Variants in CPLANE1 observed in about 807,000 individuals in gnomAD.
CPLANE1 encodes the protein ciliogenesis and planar polarity effector complex subunit 1.
Under a neutral mutation model 362.5 loss-of-function variants are expected in CPLANE1, and 263 were observed. The ratio of observed to expected loss-of-function variants is 0.73; its 90% CI spans 0.66 to 0.80. The LOEUF (loss-of-function observed/expected upper bound fraction) is 0.80. CPLANE1 is among the 30% of genes least tolerant of loss of function. The pLI, the probability that CPLANE1 is intolerant of heterozygous loss-of-function variation, is 0.00. For synonymous variants in CPLANE1, 1,212 were observed against 1,302.6 expected, an observed-to-expected ratio of 0.93 and a Z score of 1.50; for missense variants, 3,461 against 3,793.4, an observed-to-expected ratio of 0.91 and a Z score of 2.30.
At chr5:37,090,442 G>T in the CPLANE1 span, among the ~76,000 whole-genome samples, 1 of 152,164 alleles carries the variant, frequency 6.6e-6, no homozygotes, top group Non-Finnish European at 1.5e-5. Flanking sequence ...ATGTCATCAG[G>T]ATTCCTTTAA....
intron 21 of CPLANE1, among the ~76,000 whole-genome samples, chr5:37,191,012 G>A (rs566024710): frequency 1.5e-3 from 226 of 152,246 alleles, no homozygotes; most frequent in Non-Finnish European, 2.6e-3. Flanking sequence ...GCCTCAGGCA[G>A]GTCCTTCAGG....
At chr5:37,243,799 A>C (rs1224088794) in intron 5 of CPLANE1, among the ~76,000 whole-genome samples, 1 of 147,156 alleles carries the variant, frequency 6.8e-6, no homozygotes, top group Non-Finnish European at 1.5e-5. Flanking sequence ...AATATACCAT[A>C]TAATATATAA....
At chr5:37,247,921 CCGA>C in intron 1 of CPLANE1, 176 bp from the exon 2 acceptor site, 1 of 375,324 alleles carries the variant, frequency 2.7e-6, no homozygotes, top group South Asian at 3.7e-5. Flanking sequence ...CGTTAGCCTC[CCGA>C]GTAGCTGGGA....
the CPLANE1 span, among the ~76,000 whole-genome samples, chr5:37,091,494 GC>G: frequency 6.6e-6 from 1 of 152,126 alleles, no homozygotes; most frequent in Non-Finnish European, 1.5e-5. Context: ...AGTAGAACGT[GC>G]CCACTCCACC....
chr5:37,152,703 T>C (rs1009913664), intron 42 of CPLANE1, among the ~76,000 whole-genome samples: 1 of 151,968 alleles, frequency 6.6e-6, no homozygotes, highest in Non-Finnish European at 1.5e-5. Context: ...TCAAGCAAAA[T>C]AGGGAGAACT....
intron 29 of CPLANE1, among the ~76,000 whole-genome samples, chr5:37,179,088 C>A (rs144083515): frequency 5.3e-5 from 8 of 152,300 alleles, no homozygotes; most frequent in African/African-American, 1.9e-4. Flanking sequence ...AAATAAAGGA[C>A]ACATTTGCTA....
chr5:37,207,330 C>CA lies in CPLANE1; in HGVS notation c.2921-906dup, dbSNP rs542611404. 1.7e-4 allele frequency among the ~76,000 whole-genome samples: 26 copies of CA among 152,298 alleles called. 1 individual carries two copies. The South Asian group carries it at 5.2e-3, about 30-fold the overall frequency. On this transcript the variant is annotated intron_variant, in intron 16 of 52. Coordinates refer to ENST00000651892, the MANE Select transcript of CPLANE1 (RefSeq NM_001384732.1). ...AAGAACTAACATTTTAGCTCTCTGA[C>CA]AAACACATCAGGAAAAACAAAAAGT... is the stretch of plus-strand genomic sequence containing the variant.
At chr5:37,236,846 G>A (rs1799107975) in intron 8 of CPLANE1, among the ~76,000 whole-genome samples, 3 of 151,852 alleles carry the variant, frequency 2.0e-5, no homozygotes, top group Admixed American at 2.0e-4. Context: ...TCAGAGAAAT[G>A]CAAATTAAAA....
At chr5:37,212,947 G>A (rs1004648976) in intron 16 of CPLANE1, among the ~76,000 whole-genome samples, 2 of 152,232 alleles carry the variant, frequency 1.3e-5, no homozygotes, top group African/African-American at 4.8e-5. Context: ...GGCACGTGGC[G>A]CACGCCTATA....
rs769078626 is a variant in CPLANE1, at chr5:37,238,817, AAG to A, written c.938+38_938+39del. The stretch of plus-strand genomic sequence containing the variant: ...CCTGACAGAGACCCATCTCTTTTAA[AAG>A]AAAAAAAGAAAAAAAAGACAGACAA... On this transcript the variant is annotated intron_variant, in intron 8 of 52. Transcript: ENST00000651892. 29 of 1,218,112 alleles carry A rather than the reference AAG, an allele frequency of 2.4e-5. No individual in the cohort carries two copies. The African/African-American group carries it at 4.2e-4, about 18-fold the overall frequency. 75.5% of individuals were successfully genotyped at this position (1,218,112 alleles called of 1,614,324 possible).
rs535151422 is a variant in CPLANE1, at chr5:37,134,286, T to A, written c.8792+4434A>T. The stretch of plus-strand genomic sequence containing the variant: ...CTGGTCTGGGGCTTTTATTGGTTGG[T>A]GGGTTTTTTATTACTGATTCCATTT... On this transcript the variant is annotated intron_variant, in intron 46 of 52. Transcript: ENST00000651892. Among the ~76,000 whole-genome samples the A allele has an allele frequency of 9.2e-5, 14 of 152,330 alleles. 1 individual carries two copies. Among genetic ancestry groups the A allele is most frequent in the African/African-American group, 2.6e-4 (11 of 41,576 alleles).
At chr5:37,243,944 A>T (rs1432806740) in intron 5 of CPLANE1, among the ~76,000 whole-genome samples, 1 of 150,786 alleles carries the variant, frequency 6.6e-6, no homozygotes, top group East Asian at 1.9e-4. Context: ...TCCGCCTCCC[A>T]GGTTCAATCG....
At chr5:37,203,048 G>A (rs1044500516) in intron 18 of CPLANE1, among the ~76,000 whole-genome samples, 1 of 151,814 alleles carries the variant, frequency 6.6e-6, no homozygotes, top group Non-Finnish European at 1.5e-5. Flanking sequence ...ATCTATTGAA[G>A]TTTTTGTTTT....
intron 19 of CPLANE1, among the ~76,000 whole-genome samples, chr5:37,200,777 A>C (rs953804963): frequency 6.6e-6 from 1 of 151,906 alleles, no homozygotes; most frequent in African/African-American, 2.4e-5. Context: ...TCAATTGAAT[A>C]GTGTAGGAAA....
At chr5:37,181,156 T>G in intron 26 of CPLANE1, 151 bp from the exon 27 acceptor site, 1 of 756,960 alleles carries the variant, frequency 1.3e-6, no homozygotes, top group Non-Finnish European at 2.0e-6. Context: ...CAATATTTGT[T>G]GCTGAAGCAA....
At chr5:37,189,198 T>C (rs1054107885) in intron 21 of CPLANE1, among the ~76,000 whole-genome samples, 1 of 152,236 alleles carries the variant, frequency 6.6e-6, no homozygotes, top group Admixed American at 6.5e-5. Context: ...GTAGTCAGTA[T>C]TTTCATTTTC....
intron 15 of CPLANE1, among the ~76,000 whole-genome samples, chr5:37,216,933 A>G (rs1794213357): frequency 6.6e-6 from 1 of 152,144 alleles, no homozygotes; most frequent in East Asian, 1.9e-4. Context: ...CTCCTCTCAT[A>G]TAGTAGGCCC....
At chr5:37,135,784 T>A (rs1767522023) in intron 46 of CPLANE1, among the ~76,000 whole-genome samples, 1 of 151,318 alleles carries the variant, frequency 6.6e-6, no homozygotes, top group African/African-American at 2.4e-5. Context: ...TGAGCTGAGA[T>A]CACACCATGG....
chr5:37,169,675 A>T lies in CPLANE1; in HGVS notation c.6463-114T>A, dbSNP rs1174110539. 8.7e-6 allele frequency: 7 copies of T among 807,618 alleles called. No homozygotes were observed. In the African/African-American group the frequency reaches 8.7e-5, roughly 10 times the overall value. The allele number at this position is 807,618 out of a possible 1,614,324, so 50.0% of individuals were successfully genotyped here. On this transcript the variant is annotated intron_variant, in intron 33 of 52. Transcript: ENST00000651892. The stretch of plus-strand genomic sequence containing the variant: ...TAGAATGTAGTAACTGCTAAAAAAA[A>T]AAATTATTTATTCAATAAAAAACAC...
Sources: gnomAD v4.1 joint callset for allele counts (sites outside exome capture counted in the v4.1 genomes callset) on GRCh38, gnomAD v4.1.1 for gene constraint, MANE v1.5 for transcripts, NCBI Gene and HGNC (gene_info 2026-07-23, HGNC 2026-07-21) for gene names.